The following DPH6 variants were observed in gnomAD, a reference collection of about 807,000 sequenced individuals.
DPH6 encodes diphthine--ammonia ligase.
In DPH6, 33 loss-of-function variants were observed where a neutral mutation model predicts 38.2. The ratio of observed to expected loss-of-function variants is 0.86; its 90% CI spans 0.65 to 1.15. The LOEUF (loss-of-function observed/expected upper bound fraction) is 1.15, where lower values mean the gene tolerates loss of function less well. Ranked by LOEUF, DPH6 falls within the 50% of genes most tolerant of loss-of-function variation. DPH6 has a pLI of 0.00. For missense variants in DPH6, 325 were observed against 320.0 expected (o/e 1.02, Z -0.12); for synonymous variants, 108 against 103.0 (o/e 1.05, Z -0.30).
intron 3 of DPH6, among the ~76,000 whole-genome samples, chr15:35,312,304 G>T (rs575017776): frequency 6.6e-6 from 1 of 152,186 alleles, no homozygotes; most frequent in Non-Finnish European, 1.5e-5. Context: ...TAGGCAGAAA[G>T]CCAGTGAAGG....
At chr15:35,300,021 C>T (rs933358375) in intron 3 of DPH6, among the ~76,000 whole-genome samples, 25 of 152,090 alleles carry the variant, frequency 1.6e-4, no homozygotes, top group Admixed American at 6.6e-4. Context: ...TGACGATGGG[C>T]GCTTGTACTA....
chr15:35,354,735 A>G (rs2052544751), intron 3 of DPH6, among the ~76,000 whole-genome samples: 1 of 152,104 alleles, frequency 6.6e-6, no homozygotes, highest in Non-Finnish European at 1.5e-5. Context: ...TATTGGTCTA[A>G]AATTCTCTTT....
chr15:35,299,467 C>T lies in DPH6; in HGVS notation n.200+74054G>A, dbSNP rs372818612. The T allele has an allele frequency of 1.3e-4, 102 of 766,350 alleles. 1 individual carries two copies. The African/African-American group carries it at 1.5e-3, about 11-fold the overall frequency. 47.5% of individuals were successfully genotyped at this position (766,350 alleles called of 1,614,324 possible). A position where few individuals can be genotyped will look rare whatever the true frequency, so the allele number is the denominator to read the frequency against. ...TTTTCTTCGGTTTAATGCCGGCCCGCCCGCCGACTCTGCCCATGGGCCGCG... is the reference window on the plus strand; with the variant it reads ...TTTTCTTCGGTTTAATGCCGGCCCGTCCGCCGACTCTGCCCATGGGCCGCG... On this transcript the variant is annotated intron_variant and non_coding_transcript_variant, in intron 3 of 3. Transcript: ENST00000560386.
chr15:35,209,678 A>AG, the DPH6 span, among the ~76,000 whole-genome samples: 1 of 152,128 alleles, frequency 6.6e-6, no homozygotes, highest in Admixed American at 6.6e-5. Flanking sequence ...CTTGTACAGA[A>AG]CTCTTAACTT....
rs185925861 is a variant in DPH6 at position 35,491,828 on chromosome 15, T to C, written c.313-37008A>G. ...GTGTGTATAAAGATATATGTATCTA[T>C]ATATCTTATATATTACTATAAATCT... On this transcript the variant is annotated intron_variant, in intron 3 of 8. Coordinates refer to ENST00000256538, the MANE Select transcript of DPH6 (RefSeq NM_080650.4). 6.3e-3 allele frequency among the ~76,000 whole-genome samples: 955 copies of C among 150,726 alleles called. 14 individuals are homozygous for C. The highest frequency in any genetic ancestry group is 0.022 in the African/African-American group (907 of 41,218).
chr15:35,317,809 C>T (rs940135395), intron 3 of DPH6, among the ~76,000 whole-genome samples: 3 of 151,918 alleles, frequency 2.0e-5, no homozygotes, highest in Non-Finnish European at 2.9e-5. Context: ...ATTTTACAGA[C>T]CTAGCATTGT....
chr15:35,455,232 G>C (rs2053981670), intron 3 of DPH6, among the ~76,000 whole-genome samples: 1 of 152,082 alleles, frequency 6.6e-6, no homozygotes, highest in African/African-American at 2.4e-5. Flanking sequence ...AGATAAGGGA[G>C]CACAATAATT....
intron 7 of DPH6, among the ~76,000 whole-genome samples, chr15:35,373,942 C>A (rs1430142124): frequency 6.6e-6 from 1 of 151,960 alleles, no homozygotes; most frequent in African/African-American, 2.4e-5. Context: ...ATAGGCTAAG[C>A]ATTAAACATT....
Position 35,383,055 on chromosome 15 carries a change from T to C in DPH6, c.568-1139A>G, listed in dbSNP as rs953117595. Among the ~76,000 whole-genome samples the C allele has an allele frequency of 3.3e-5, 5 of 152,296 alleles. No individual in the cohort carries two copies. In the South Asian group the frequency reaches 8.3e-4, roughly 25 times the overall value. Reference sequence around the variant, plus strand: ...TAACAACTTTCCACCAAATGAACTTTCTAATTACACCTTTATAACTTATGA... The same window carrying C: ...TAACAACTTTCCACCAAATGAACTTCCTAATTACACCTTTATAACTTATGA... On this transcript the variant is annotated intron_variant, in intron 6 of 8. Transcript: ENST00000256538.
At chr15:35,463,797 T>C (rs1208663642) in intron 3 of DPH6, among the ~76,000 whole-genome samples, 3 of 152,188 alleles carry the variant, frequency 2.0e-5, no homozygotes, top group African/African-American at 7.2e-5. Context: ...GATATATATA[T>C]ATACACATTC....
chr15:35,258,639 A>G (rs1566852606), intron 3 of DPH6, among the ~76,000 whole-genome samples: 1 of 152,210 alleles, frequency 6.6e-6, no homozygotes, highest in Non-Finnish European at 1.5e-5. Context: ...TTAAGGTAGC[A>G]ATAAACCTTT....
chr15:35,415,689 T>C (rs1378083054), intron 5 of DPH6, among the ~76,000 whole-genome samples: 1 of 151,962 alleles, frequency 6.6e-6, no homozygotes, highest in African/African-American at 2.4e-5. Flanking sequence ...TGGTAAAAAT[T>C]AGTTGGCCAT....
At chr15:35,338,933 C>CA (rs1251200057) in intron 3 of DPH6, among the ~76,000 whole-genome samples, 8 of 150,346 alleles carry the variant, frequency 5.3e-5, no homozygotes, top group African/African-American at 1.7e-4. Flanking sequence ...ATCACAAGGA[C>CA]AAAAAACCAA....
chr15:35,326,003 C>T (rs1022757799), downstream of DPH6, among the ~76,000 whole-genome samples: 1 of 152,080 alleles, frequency 6.6e-6, no homozygotes, highest in Non-Finnish European at 1.5e-5. Flanking sequence ...CAAGATACCA[C>T]AATATACCAA....
chr15:35,278,465 G>A (rs1038231463), intron 3 of DPH6, among the ~76,000 whole-genome samples: 52 of 152,318 alleles, frequency 3.4e-4, no homozygotes, highest in Admixed American at 3.1e-3. Flanking sequence ...TAGAGCCCCC[G>A]CAGAGAGGCT....
chr15:35,537,661 TAAGC>T (rs1460345778), intron 3 of DPH6, among the ~76,000 whole-genome samples: 1 of 152,162 alleles, frequency 6.6e-6, no homozygotes, highest in Non-Finnish European at 1.5e-5. Flanking sequence ...CCAACAGATT[TAAGC>T]AAGGCTCAGT....
intron 3 of DPH6, among the ~76,000 whole-genome samples, chr15:35,339,461 A>T (rs1384436744): frequency 6.6e-6 from 1 of 151,908 alleles, no homozygotes; most frequent in Non-Finnish European, 1.5e-5. Context: ...AGTAGCTGGG[A>T]TTATAGGCAT....
intron 6 of DPH6, among the ~76,000 whole-genome samples, chr15:35,398,309 G>C (rs2053172566): frequency 6.6e-6 from 1 of 152,142 alleles, no homozygotes; most frequent in East Asian, 1.9e-4. Context: ...GGCAATGGTT[G>C]CCAGGGAAAC....
At chr15:35,295,828 T>C (rs2140791832) in intron 3 of DPH6, among the ~76,000 whole-genome samples, 1 of 152,252 alleles carries the variant, frequency 6.6e-6, no homozygotes, top group Middle Eastern at 3.4e-3. Flanking sequence ...GTCAGGTAAA[T>C]ATTGTTTCAT....
Sources: allele counts gnomAD v4.1 joint callset (sites outside exome capture counted in the v4.1 genomes callset), GRCh38; gene constraint gnomAD v4.1.1; transcripts MANE v1.5; gene names NCBI Gene and HGNC (gene_info 2026-07-23, HGNC 2026-07-21).